The following PPP1CC variants were observed in gnomAD, a reference collection of about 807,000 sequenced individuals.
The protein encoded by PPP1CC is protein phosphatase 1 catalytic subunit gamma, also known as serine/threonine-protein phosphatase PP1-gamma catalytic subunit.
PPP1CC carries 16 observed loss-of-function variants against 38.4 expected under a neutral mutation model. The ratio of observed to expected loss-of-function variants is 0.42; its 90% confidence interval spans 0.28 to 0.63. The LOEUF is 0.63. PPP1CC is among the 30% of genes least tolerant of loss of function. PPP1CC has a pLI of 0.25. For synonymous variants in PPP1CC, 158 were observed against 136.0 expected, an observed-to-expected ratio of 1.16 and a Z score of -1.13; for missense variants, 170 against 391.3, an observed-to-expected ratio of 0.43 and a Z score of 4.77.
intron 1 of PPP1CC, among the ~76,000 whole-genome samples, chr12:110,736,006 T>C (rs1414334592): frequency 6.6e-6 from 1 of 152,040 alleles, no homozygotes; most frequent in African/African-American, 2.4e-5. Context: ...CAGGTTGCAG[T>C]GAGCCCAGAT....
intron 1 of PPP1CC, among the ~76,000 whole-genome samples, chr12:110,736,505 A>G (rs989174780): frequency 3.3e-5 from 5 of 151,764 alleles, no homozygotes; most frequent in Non-Finnish European, 7.4e-5. Context: ...ATAGCTGGAC[A>G]TGGTGGCGTG....
Position 110,720,208 on chromosome 12 carries a change from T to C in PPP1CC, c.*868A>G. The stretch of plus-strand genomic sequence containing the variant: ...GACGGGTTCAGGCCTGATGCAACTG[T>C]AAAAAGATTACTTAATGAATAGACT... On this transcript the variant is annotated 3_prime_UTR_variant, in exon 7 of 7. Transcript: ENST00000335007. The C allele has an allele frequency of 1.9e-6, 3 of 1,544,690 alleles. No individual in the cohort carries two copies. Among genetic ancestry groups the C allele is most frequent in the South Asian group, 2.4e-5 (2 of 84,774 alleles).
At chr12:110,724,333 G>A (rs185106575) in intron 4 of PPP1CC, among the ~76,000 whole-genome samples, 2 of 152,306 alleles carry the variant, frequency 1.3e-5, no homozygotes, top group East Asian at 3.9e-4. Context: ...GTCCGAGGCA[G>A]GAGGACTGCT....
the PPP1CC span, among the ~76,000 whole-genome samples, chr12:110,713,874 C>A: frequency 1.3e-5 from 2 of 152,166 alleles, no homozygotes; most frequent in African/African-American, 2.4e-5. Flanking sequence ...AATGCAGGCG[C>A]ATCACCTGAG....
chr12:110,731,873 G>A lies in PPP1CC; in HGVS notation c.84C>T (p.Val28=). 3 of 1,613,592 alleles carry A rather than the reference G, an allele frequency of 1.9e-6. No individual in the cohort carries two copies. Among genetic ancestry groups the A allele is most frequent in the Non-Finnish European group, 2.5e-6 (3 of 1,179,672 alleles). The part of the protein sequence containing the change: ...EVRGSKPGKN[V]QLQENEIRGL... Reference sequence around the variant, plus strand: ...CTCTGATTTCATTCTCCTGAAGCTGGACATTCTTACCAGGCTTGGACCCTC... The same window carrying A: ...CTCTGATTTCATTCTCCTGAAGCTGAACATTCTTACCAGGCTTGGACCCTC... Residue 28 remains valine (V), a synonymous_variant, in exon 2 of 7, where the codon GTC becomes GTT. Transcript: ENST00000335007.
the PPP1CC span, among the ~76,000 whole-genome samples, chr12:110,711,244 CTCTT>C: frequency 2.6e-5 from 4 of 152,194 alleles, no homozygotes; most frequent in East Asian, 1.9e-4. Context: ...ACATATATTT[CTCTT>C]TCTATGAAGC....
At chr12:110,741,520 T>C (rs898615334) in intron 1 of PPP1CC, among the ~76,000 whole-genome samples, 4 of 152,186 alleles carry the variant, frequency 2.6e-5, no homozygotes, top group African/African-American at 9.7e-5. Context: ...TGAAAGCAGC[T>C]CATTTCAGCT....
chr12:110,742,654 T>G lies in PPP1CC; in HGVS notation c.54A>C (p.Glu18Asp). The change falls in exon 1 of 7, where the codon GAA (glutamate) becomes GAC (aspartate). Residue 18 changes from glutamate (E) to aspartate (D), a missense_variant and splice_region_variant. Physicochemically the swap from Glu to Asp is conservative, Grantham distance 45 (BLOSUM62 2). This residue lies in a region of PPP1CC where 30 missense variants were observed against 23.0 expected (regional missense o/e 1.30). Transcript: ENST00000335007. ...TCAGCCGCCCGCCGCCCCCCTTACC[T>G]TCCAGCAGCCGTTGGATAATGCTGT... ...NIDSIIQRLLEVRGSKPGKNV... is the reference protein window; with the variant it reads ...NIDSIIQRLLDVRGSKPGKNV... 7.5e-7 allele frequency: 1 copy of G among 1,329,844 alleles called. No individual in the cohort carries two copies. Among genetic ancestry groups the G allele is most frequent in the Non-Finnish European group, 1.0e-6 (1 of 994,870 alleles). The allele number at this position is 1,329,844 out of a possible 1,614,324, so 82.4% of individuals were successfully genotyped here.
intron 1 of PPP1CC, among the ~76,000 whole-genome samples, chr12:110,735,896 C>G (rs1353661831): frequency 6.6e-6 from 1 of 152,080 alleles, no homozygotes; most frequent in Admixed American, 6.6e-5. Context: ...GAAACCCCGT[C>G]TCTACTAAAA....
chr12:110,708,998 A>G, the PPP1CC span, among the ~76,000 whole-genome samples: 4 of 152,142 alleles, frequency 2.6e-5, no homozygotes, highest in African/African-American at 9.7e-5. Flanking sequence ...GGCCGCAGAG[A>G]ATCCCATGGA....
At chr12:110,712,635 CAAA>C in the PPP1CC span, among the ~76,000 whole-genome samples, 510 of 37,608 alleles carry the variant, frequency 0.014, 1 homozygote, top group Non-Finnish European at 0.016. Flanking sequence ...GAAACTGTCT[CAAA>C]AAAAAAAAAA....
the PPP1CC span, among the ~76,000 whole-genome samples, chr12:110,712,051 A>G: frequency 6.6e-6 from 1 of 152,130 alleles, no homozygotes; most frequent in Non-Finnish European, 1.5e-5. Flanking sequence ...CCATATTTTT[A>G]CTGTAGCTTT....
chr12:110,721,251 C>CAGA lies in PPP1CC; in HGVS notation c.883-89_883-87dup, dbSNP rs1485715036. ...TTAAATTTCATTCAGATCTTCTGTT[C>CAGA]AGATGGTGTTCACAACTGCCCCAAC... On this transcript the variant is annotated intron_variant, in intron 6 of 6. Transcript: ENST00000335007. 2.4e-5 allele frequency: 28 copies of CAGA among 1,182,008 alleles called. No individual in the cohort carries two copies. The South Asian group carries it at 3.6e-4, about 15-fold the overall frequency. The allele number at this position is 1,182,008 out of a possible 1,614,324, so 73.2% of individuals were successfully genotyped here. A position where few individuals can be genotyped will look rare whatever the true frequency, so the allele number is the denominator to read the frequency against.
At chr12:110,718,602 C>T (rs1276706770), downstream of PPP1CC, among the ~76,000 whole-genome samples, 1 of 152,152 alleles carries the variant, frequency 6.6e-6, no homozygotes, top group South Asian at 2.1e-4. Flanking sequence ...CACGAAAGAA[C>T]TGGGATCGAT....
Position 110,720,420 on chromosome 12 carries a change from A to C in PPP1CC, c.*656T>G, listed in dbSNP as rs2069724940. The C allele has an allele frequency of 2.1e-6, 1 of 476,720 alleles. No individual in the cohort carries two copies. The highest frequency in any genetic ancestry group is 2.0e-5 in the African/African-American group (1 of 50,312). The allele number at this position is 476,720 out of a possible 1,614,324, so 29.5% of individuals were successfully genotyped here. A position where few individuals can be genotyped will look rare whatever the true frequency, so the allele number is the denominator to read the frequency against. On this transcript the variant is annotated 3_prime_UTR_variant, in exon 7 of 7. Coordinates refer to ENST00000335007, the MANE Select transcript of PPP1CC (RefSeq NM_002710.4). ...ATAATTCAACAGAAACTTTGGCTTTAGGAAAGAGTCACAAATATTTAAAAG... is the reference window on the plus strand; with the variant it reads ...ATAATTCAACAGAAACTTTGGCTTTCGGAAAGAGTCACAAATATTTAAAAG...
In PPP1CC at chr12:110,722,781, G is replaced by A; in HGVS notation, c.524-86C>T. 1.0e-6 allele frequency: 1 copy of A among 970,276 alleles called. No homozygotes were observed. Among genetic ancestry groups the A allele is most frequent in the East Asian group, 2.6e-5 (1 of 38,052 alleles). The allele number at this position is 970,276 out of a possible 1,614,324, so 60.1% of individuals were successfully genotyped here. A position where few individuals can be genotyped will look rare whatever the true frequency, so the allele number is the denominator to read the frequency against. On this transcript the variant is annotated intron_variant, in intron 4 of 6. Transcript: ENST00000335007. This position sits in a 1 kb window ranked among gnomAD's most constrained non-coding sequence, Gnocchi z 5.4. ...TTCAAAAGTTCCATTTGTCTACAGA[G>A]AAATTCAATAATCCTGACATAAAAA...
Position 110,719,871 on chromosome 12 carries a change from T to C in PPP1CC, c.*1205A>G. 2.4e-6 allele frequency: 1 copy of C among 423,810 alleles called. No homozygotes were observed. Among genetic ancestry groups the C allele is most frequent in the Non-Finnish European group, 4.2e-6 (1 of 238,340 alleles). The allele number at this position is 423,810 out of a possible 1,614,324, so 26.3% of individuals were successfully genotyped here. A position where few individuals can be genotyped will look rare whatever the true frequency, so the allele number is the denominator to read the frequency against. On this transcript the variant is annotated 3_prime_UTR_variant, in exon 7 of 7. Transcript: ENST00000335007. ...CAATATGCCATCAACAGTTCTCCTG[T>C]GTGTATTGTGCTGATAAATAGACAC...
At position 110,722,640 on chromosome 12, in the gene PPP1CC, A is replaced by G; in HGVS notation, c.579T>C (p.Thr193=). 1 of 1,614,122 alleles carries G rather than the reference A, an allele frequency of 6.2e-7. No individual in the cohort carries two copies. Among genetic ancestry groups the G allele is most frequent in the Non-Finnish European group, 8.5e-7 (1 of 1,180,024 alleles). Residue 193 remains threonine (T), a synonymous_variant, in exon 5 of 7, where the codon ACT becomes ACC. Transcript: ENST00000335007. The surrounding 1 kb of genome is among the most constrained non-coding windows in gnomAD (Gnocchi z 5.4). ...AAAGAAGACCTTGATCTGGTACATC[A>G]GTTGGTCGCATAATTCGCCGAATCT... is the stretch of plus-strand genomic sequence containing the variant. ...MEQIRRIMRP[T]DVPDQGLLCD...
intron 1 of PPP1CC, among the ~76,000 whole-genome samples, chr12:110,737,493 A>C (rs574665605): frequency 1.3e-5 from 2 of 150,456 alleles, no homozygotes; most frequent in Non-Finnish European, 3.0e-5. Context: ...AAAAAAAAAA[A>C]AAAAAAAAGA....
Sources: allele counts gnomAD v4.1 joint callset (sites outside exome capture counted in the v4.1 genomes callset), GRCh38; gene constraint gnomAD v4.1.1; regional missense constraint gnomAD v4.1.1; non-coding constraint Gnocchi (gnomAD v3.1); transcripts MANE v1.5; gene names NCBI Gene and HGNC (gene_info 2026-07-23, HGNC 2026-07-21).